The following CSMD2 variants were observed in gnomAD, a reference collection of about 807,000 sequenced individuals.
The protein encoded by CSMD2 is CUB and Sushi multiple domains 2.
In CSMD2, 130 loss-of-function variants were observed where a neutral mutation model predicts 398.5. That is an observed-to-expected ratio of 0.33 (90% CI 0.28 to 0.38). CSMD2 has a LOEUF of 0.38. Ranked by LOEUF, CSMD2 falls within the 10% of genes least tolerant of loss-of-function variation. The pLI is 1.00. For synonymous variants in CSMD2, 1,828 were observed against 1,908.5 expected (o/e 0.96, Z 1.10); for missense variants, 3,829 against 4,764.9 (o/e 0.80, Z 5.78).
chr1:33,654,399 C>A (rs945602000), intron 27 of CSMD2, among the ~76,000 whole-genome samples: 1 of 152,188 alleles, frequency 6.6e-6, no homozygotes, highest in Non-Finnish European at 1.5e-5. Context: ...TGTTTTCCCC[C>A]TTTCTACTTC....
intron 1 of CSMD2, among the ~76,000 whole-genome samples, chr1:34,118,144 A>G (rs1209956317): frequency 6.6e-6 from 1 of 152,206 alleles, no homozygotes; most frequent in Non-Finnish European, 1.5e-5. Flanking sequence ...TGAACCCAGG[A>G]GGCGAAGGTT....
At chr1:34,116,250 G>T (rs1415087705) in intron 1 of CSMD2, among the ~76,000 whole-genome samples, 1 of 151,926 alleles carries the variant, frequency 6.6e-6, no homozygotes, top group African/African-American at 2.4e-5. Context: ...AAAAGTAAAA[G>T]AACGGACAAA....
chr1:33,687,064 T>G (rs1215083965), intron 25 of CSMD2, among the ~76,000 whole-genome samples: 3 of 152,214 alleles, frequency 2.0e-5, no homozygotes, highest in African/African-American at 7.2e-5. Flanking sequence ...ATAAGAGAAC[T>G]GAGGCACAGA....
chr1:33,971,846 C>T (rs1257142819), intron 3 of CSMD2, among the ~76,000 whole-genome samples: 3 of 152,182 alleles, frequency 2.0e-5, no homozygotes, highest in African/African-American at 7.2e-5. Flanking sequence ...GAGATCTATT[C>T]CTGTAAGTCT....
At chr1:33,816,343 C>T (rs954983424) in intron 9 of CSMD2, among the ~76,000 whole-genome samples, 1 of 152,126 alleles carries the variant, frequency 6.6e-6, no homozygotes, top group Non-Finnish European at 1.5e-5. Context: ...TTTGTGATCA[C>T]AAGAAATCAG....
intron 25 of CSMD2, among the ~76,000 whole-genome samples, chr1:33,669,627 TAGC>T (rs1177409700): frequency 4.6e-5 from 7 of 152,226 alleles, no homozygotes; most frequent in African/African-American, 1.7e-4. Context: ...ATGCCACTTG[TAGC>T]GGGTTGACTT....
intron 65 of CSMD2, among the ~76,000 whole-genome samples, chr1:33,525,293 C>T (rs1392908714): frequency 6.6e-6 from 1 of 152,186 alleles, no homozygotes; most frequent in Non-Finnish European, 1.5e-5. Flanking sequence ...GATAGGGAAA[C>T]AACCCAAGTG....
At chr1:34,023,306 T>C (rs971631532) in intron 3 of CSMD2, among the ~76,000 whole-genome samples, 6 of 152,206 alleles carry the variant, frequency 3.9e-5, no homozygotes, top group African/African-American at 1.4e-4. Flanking sequence ...TTCAAGTTGT[T>C]CAAGTTGAGT....
At chr1:33,989,041 T>C (rs201277894) in intron 3 of CSMD2, among the ~76,000 whole-genome samples, 1,004 of 49,456 alleles carry the variant, frequency 0.02, 51 homozygotes, top group African/African-American at 0.052. Context: ...TATATATATA[T>C]ATATATATAT....
At chr1:33,668,756 G>A (rs1271868605) in intron 25 of CSMD2, among the ~76,000 whole-genome samples, 1 of 152,178 alleles carries the variant, frequency 6.6e-6, no homozygotes, top group East Asian at 1.9e-4. Flanking sequence ...TGACTTGCTT[G>A]TCTGTGTGTG....
intron 7 of CSMD2, among the ~76,000 whole-genome samples, chr1:33,824,367 G>C (rs1024612369): frequency 2.6e-5 from 4 of 152,198 alleles, no homozygotes; most frequent in Admixed American, 6.5e-5. Flanking sequence ...CACAGAAGAA[G>C]GCTCTTCTGG....
intron 3 of CSMD2, among the ~76,000 whole-genome samples, chr1:34,031,630 C>T (rs1650435924): frequency 6.6e-6 from 1 of 151,920 alleles, no homozygotes; most frequent in African/African-American, 2.4e-5. Context: ...TGGTTTTTTG[C>T]TAAGGAGGCA....
intron 4 of CSMD2, among the ~76,000 whole-genome samples, chr1:33,930,468 G>A (rs1644276455): frequency 6.6e-6 from 1 of 152,216 alleles, no homozygotes; most frequent in South Asian, 2.1e-4. Context: ...CCAAGCTTCT[G>A]CAGACCGTAT....
intron 28 of CSMD2, 62 bp from the exon 29 acceptor site, chr1:33,646,897 T>C: frequency 6.7e-7 from 1 of 1,483,792 alleles, no homozygotes; most frequent in Non-Finnish European, 9.0e-7. Flanking sequence ...TTTGCCGGGG[T>C]CTTAGGCTCA....
At chr1:33,687,503 A>G (rs1051444923) in intron 25 of CSMD2, among the ~76,000 whole-genome samples, 7 of 152,220 alleles carry the variant, frequency 4.6e-5, no homozygotes, top group Non-Finnish European at 8.8e-5. Context: ...AGAACTCTGA[A>G]ATCACTAGAA....
At position 33,700,595 on chromosome 1, in the gene CSMD2, T is replaced by C. The variant is rs1470144021; in HGVS notation, c.3655A>G (p.Ser1219Gly). The change falls in exon 23 of 71, where the codon AGC (serine) becomes GGC (glycine). Residue 1219 changes from serine (S) to glycine (G), a missense_variant. Transcript: ENST00000373381. ...HSEMMGVTLN[S>G]TSSSLWLDFI... ...TCAAGCCACAGACTGCTGGATGTGC[T>C]GTTCAAAGTCACCCCCATCATCTCA... 1.9e-6 allele frequency: 3 copies of C among 1,614,210 alleles called. No homozygotes were observed. Among genetic ancestry groups the C allele is most frequent in the Non-Finnish European group, 2.5e-6 (3 of 1,180,024 alleles).
chr1:33,588,783 G>T (rs1341938662), intron 44 of CSMD2, among the ~76,000 whole-genome samples: 1 of 152,102 alleles, frequency 6.6e-6, no homozygotes, highest in African/African-American at 2.4e-5. Context: ...GCAGAAAGAA[G>T]GTCTAGCTAT....
chr1:33,936,353 C>T (rs1220159545), intron 3 of CSMD2, among the ~76,000 whole-genome samples: 1 of 152,224 alleles, frequency 6.6e-6, no homozygotes, highest in African/African-American at 2.4e-5. Flanking sequence ...ATGGAAGGGA[C>T]ATAAGGCATG....
At chr1:33,810,984 T>C in intron 9 of CSMD2, 120 bp from the exon 10 acceptor site, 1 of 1,137,570 alleles carries the variant, frequency 8.8e-7, no homozygotes, top group Non-Finnish European at 1.2e-6. Flanking sequence ...GACATAACCT[T>C]CTGCTTCCTG....
Sources: allele counts gnomAD v4.1 joint callset (sites outside exome capture counted in the v4.1 genomes callset), GRCh38; gene constraint gnomAD v4.1.1; transcripts MANE v1.5; gene names NCBI Gene and HGNC (gene_info 2026-07-23, HGNC 2026-07-21).